Variants in LRP12 observed in about 807,000 individuals in gnomAD.
The protein encoded by LRP12 is LDL receptor related protein 12.
A neutral mutation model predicts 66.0 loss-of-function variants in LRP12; 14 were observed. The ratio of observed to expected loss-of-function variants is 0.21; its 90% confidence interval spans 0.14 to 0.33. The LOEUF is 0.33. Among genes scored for constraint, LRP12 ranks in the 10% least tolerant of loss-of-function variants. LRP12 has a pLI of 1.00. For missense variants in LRP12, 889 were observed against 1,053.4 expected, an observed-to-expected ratio of 0.84 and a Z score of 2.16; for synonymous variants, 357 against 359.1, an observed-to-expected ratio of 0.99 and a Z score of 0.07.
chr8:104,588,909 A>C lies in LRP12; in HGVS notation c.-12T>G, dbSNP rs777593315. On this transcript the variant is annotated 5_prime_UTR_variant, in exon 1 of 7. Coordinates refer to ENST00000276654, the MANE Select transcript of LRP12 (RefSeq NM_013437.5). ...CAGCGACAGGCCATAACCACAGCAGATGGAGAGAGAGAGGAGGAGACGGAG... is the reference window on the plus strand; with the variant it reads ...CAGCGACAGGCCATAACCACAGCAGCTGGAGAGAGAGAGGAGGAGACGGAG... 1.3e-6 allele frequency: 2 copies of C among 1,597,564 alleles called. No homozygotes were observed. The highest frequency in any genetic ancestry group is 3.5e-5 in the Admixed American group (2 of 57,808).
At chr8:104,575,974 A>T (rs1171898553) in intron 1 of LRP12, among the ~76,000 whole-genome samples, 1 of 152,166 alleles carries the variant, frequency 6.6e-6, no homozygotes, top group Non-Finnish European at 1.5e-5. Context: ...TTCATAATGC[A>T]ATCATAAGTA....
rs954640890 is a variant in LRP12 at position 104,489,317 on chromosome 8, C to T, written c.*1356G>A. Reference sequence around the variant, plus strand: ...AAACATCTTAGTCAGTTCCTCCTGACAGCATTAACACAGACAAATACACAA... The same window carrying T: ...AAACATCTTAGTCAGTTCCTCCTGATAGCATTAACACAGACAAATACACAA... On this transcript the variant is annotated 3_prime_UTR_variant, in exon 7 of 7. Coordinates refer to ENST00000276654, the MANE Select transcript of LRP12 (RefSeq NM_013437.5). The T allele has an allele frequency of 2.0e-5, 3 of 152,624 alleles. No homozygotes were observed. Among genetic ancestry groups the T allele is most frequent in the African/African-American group, 7.2e-5 (3 of 41,544 alleles). The allele number at this position is 152,624 out of a possible 1,614,324, so 9.5% of individuals were successfully genotyped here. A position where few individuals can be genotyped will look rare whatever the true frequency, so the allele number is the denominator to read the frequency against.
At chr8:104,557,084 G>A (rs1421544291) in intron 1 of LRP12, among the ~76,000 whole-genome samples, 1 of 152,140 alleles carries the variant, frequency 6.6e-6, no homozygotes, top group Non-Finnish European at 1.5e-5. Context: ...AAAACCCGCA[G>A]TGGAATCAAC....
At chr8:104,498,814 T>C (rs971173425) in intron 4 of LRP12, among the ~76,000 whole-genome samples, 5 of 152,358 alleles carry the variant, frequency 3.3e-5, no homozygotes, top group Admixed American at 2.0e-4. Context: ...CATGAAGATC[T>C]TGCATTTTGA....
At chr8:104,499,555 A>G in intron 3 of LRP12, 36 bp from the exon 4 acceptor site, 1 of 1,461,474 alleles carries the variant, frequency 6.8e-7, no homozygotes, top group East Asian at 2.3e-5. Flanking sequence ...TTAAAAAGTC[A>G]ATTTTGGAAA....
At chr8:104,530,188 T>C (rs1811304411) in intron 2 of LRP12, among the ~76,000 whole-genome samples, 1 of 152,190 alleles carries the variant, frequency 6.6e-6, no homozygotes, top group Non-Finnish European at 1.5e-5. Flanking sequence ...AGTTTTAATT[T>C]CTAACATAGT....
At chr8:104,547,988 G>C (rs1402787647) in intron 1 of LRP12, among the ~76,000 whole-genome samples, 1 of 116,442 alleles carries the variant, frequency 8.6e-6, no homozygotes, top group African/African-American at 3.3e-5. Flanking sequence ...ATATATAATT[G>C]TTATATTTTG....
At chr8:104,573,032 G>A (rs1023642476) in intron 1 of LRP12, among the ~76,000 whole-genome samples, 7 of 152,144 alleles carry the variant, frequency 4.6e-5, no homozygotes, top group Non-Finnish European at 8.8e-5. Context: ...AAGTTGAATC[G>A]TATACAAATG....
At chr8:104,541,276 G>A (rs73295147) in intron 1 of LRP12, among the ~76,000 whole-genome samples, 1,849 of 152,272 alleles carry the variant, frequency 0.012, 36 homozygotes, top group African/African-American at 0.041. Context: ...GAGCATCTCA[G>A]TGAGTGTTCA....
At chr8:104,564,228 C>A (rs764068871) in intron 1 of LRP12, among the ~76,000 whole-genome samples, 1 of 152,116 alleles carries the variant, frequency 6.6e-6, no homozygotes, top group Admixed American at 6.5e-5. Context: ...AAGTTTCTAA[C>A]CTCCTACAGC....
At chr8:104,509,429 C>G (rs1490271474) in intron 2 of LRP12, among the ~76,000 whole-genome samples, 2 of 152,188 alleles carry the variant, frequency 1.3e-5, no homozygotes, top group African/African-American at 4.8e-5. Flanking sequence ...GATGACATCT[C>G]TTGCTGTGCT....
chr8:104,493,615 C>A (rs1010421381), intron 6 of LRP12, among the ~76,000 whole-genome samples: 48 of 152,194 alleles, frequency 3.2e-4, no homozygotes, highest in Admixed American at 3.9e-4. Flanking sequence ...CTGAACCACA[C>A]CAACAGTGTC....
Position 104,515,698 on chromosome 8 carries a change from A to C in LRP12, c.137-6624T>G, listed in dbSNP as rs538872198. Reference sequence around the variant, plus strand: ...TAAGTGGGGGAGCATGAACCTATGCATATATGGCTGCAGAATATAGACTGA... The same window carrying C: ...TAAGTGGGGGAGCATGAACCTATGCCTATATGGCTGCAGAATATAGACTGA... On this transcript the variant is annotated intron_variant, in intron 2 of 6. Coordinates refer to ENST00000276654, the MANE Select transcript of LRP12 (RefSeq NM_013437.5). Among the ~76,000 whole-genome samples, 3 of 152,326 alleles carry C rather than the reference A, an allele frequency of 2.0e-5. No homozygotes were observed. In the East Asian group the frequency reaches 5.8e-4, roughly 29 times the overall value.
chr8:104,522,426 T>C (rs1433328203), intron 2 of LRP12, among the ~76,000 whole-genome samples: 1 of 152,102 alleles, frequency 6.6e-6, no homozygotes, highest in Admixed American at 6.5e-5. Context: ...CTGAAGTCTA[T>C]TTTATATACT....
chr8:104,575,628 T>C (rs1812153676), intron 1 of LRP12, among the ~76,000 whole-genome samples: 2 of 151,560 alleles, frequency 1.3e-5, no homozygotes, highest in South Asian at 4.2e-4. Flanking sequence ...AATCCAAAGA[T>C]CAGAAACCTC....
At chr8:104,574,582 A>G (rs561483148) in intron 1 of LRP12, among the ~76,000 whole-genome samples, 1 of 152,296 alleles carries the variant, frequency 6.6e-6, no homozygotes, top group East Asian at 1.9e-4. Context: ...GCCACAGGAC[A>G]TGTTTACATA....
At chr8:104,564,394 C>G (rs1246680406) in intron 1 of LRP12, among the ~76,000 whole-genome samples, 1 of 152,080 alleles carries the variant, frequency 6.6e-6, no homozygotes, top group African/African-American at 2.4e-5. Context: ...CTTTGAAAAG[C>G]AAGGATCTAG....
chr8:104,549,994 T>A (rs1040701044), intron 1 of LRP12, among the ~76,000 whole-genome samples: 3 of 152,170 alleles, frequency 2.0e-5, no homozygotes, highest in African/African-American at 7.2e-5. Flanking sequence ...TCAGCATACA[T>A]GTTCAAAGGT....
chr8:104,547,791 T>G (rs1237778849), intron 1 of LRP12, among the ~76,000 whole-genome samples: 25 of 129,226 alleles, frequency 1.9e-4, no homozygotes, highest in African/African-American at 2.6e-4. Context: ...ATATAATATA[T>G]AATTATATAT....
Sources: allele counts gnomAD v4.1 joint callset (sites outside exome capture counted in the v4.1 genomes callset), GRCh38; gene constraint gnomAD v4.1.1; transcripts MANE v1.5; gene names NCBI Gene and HGNC (gene_info 2026-07-23, HGNC 2026-07-21).